The following SETD2 variants were observed in gnomAD, a reference collection of about 807,000 sequenced individuals.
SETD2 encodes histone-lysine N-methyltransferase SETD2.
Under a neutral mutation model 242.1 loss-of-function variants are expected in SETD2, and 31 were observed. That is an observed-to-expected ratio of 0.13 (90% CI 0.10 to 0.17). The LOEUF (loss-of-function observed/expected upper bound fraction) is 0.17, where lower values mean the gene tolerates loss of function less well. Ranked by LOEUF, SETD2 falls within the 10% of genes least tolerant of loss-of-function variation. The pLI is 1.00. For missense variants in SETD2, 2,481 were observed against 3,046.3 expected (o/e 0.81, Z 4.37); for synonymous variants, 1,006 against 1,066.5 (o/e 0.94, Z 1.11).
At chr3:47,157,452 C>G (rs999778067) in intron 1 of SETD2, 2 of 456,014 alleles carry the variant, frequency 4.4e-6, no homozygotes, top group Non-Finnish European at 8.8e-6. Context: ...CTTTGTATCT[C>G]ATTTGAACAT....
intron 1 of SETD2, among the ~76,000 whole-genome samples, chr3:47,162,292 TG>T (rs200476029): frequency 0.011 from 1,601 of 152,240 alleles, 37 homozygotes; most frequent in African/African-American, 0.036. Flanking sequence ...AAATTTTTTT[TG>T]AGGTTTTTCA....
chr3:47,024,698 G>A (rs2038394494), intron 18 of SETD2, among the ~76,000 whole-genome samples: 1 of 152,152 alleles, frequency 6.6e-6, no homozygotes, highest in Non-Finnish European at 1.5e-5. Context: ...CTCCCTCAAT[G>A]CAACAAATAC....
chr3:47,128,789 T>C (rs2043409584), intron 1 of SETD2, among the ~76,000 whole-genome samples: 1 of 152,216 alleles, frequency 6.6e-6, no homozygotes, highest in Non-Finnish European at 1.5e-5. Flanking sequence ...TGAAAATTTT[T>C]TTCACGTCTC....
intron 12 of SETD2, among the ~76,000 whole-genome samples, chr3:47,072,745 A>G (rs530870891): frequency 7.2e-5 from 11 of 151,834 alleles, no homozygotes; most frequent in South Asian, 2.1e-4. Flanking sequence ...GGAGATTCAG[A>G]CCATCCTGGC....
chr3:47,100,575 T>C (rs2042170749), intron 8 of SETD2, among the ~76,000 whole-genome samples: 1 of 152,100 alleles, frequency 6.6e-6, no homozygotes, highest in Non-Finnish European at 1.5e-5. Flanking sequence ...TTTTAAGTAG[T>C]CATTAGAACA....
intron 1 of SETD2, among the ~76,000 whole-genome samples, chr3:47,139,446 A>AGAGAC (rs2043672866): frequency 6.6e-6 from 1 of 152,154 alleles, no homozygotes; most frequent in Non-Finnish European, 1.5e-5. Flanking sequence ...GTCTCCCCAT[A>AGAGAC]TAGAGTTTAA....
Position 47,019,693 on chromosome 3 carries a change from G to A in SETD2, c.7431+67C>T, listed in dbSNP as rs2290547. The A allele has an allele frequency of 0.16, 213,048 of 1,330,376 alleles. 18,730 individuals are homozygous for A. The highest frequency in any genetic ancestry group is 0.22 in the East Asian group (9,570 of 43,356). 82.4% of individuals were successfully genotyped at this position (1,330,376 alleles called of 1,614,324 possible). ...GCAAAGGAGATATTCGACATACTTA[G>A]GACAAGAAATGAAAGGGTTCAGATT... On this transcript the variant is annotated intron_variant, in intron 19 of 20. Coordinates refer to ENST00000409792, the MANE Select transcript of SETD2 (RefSeq NM_014159.7).
At chr3:47,040,557 T>G (rs1352134539) in intron 17 of SETD2, among the ~76,000 whole-genome samples, 1 of 136,322 alleles carries the variant, frequency 7.3e-6, no homozygotes, top group Non-Finnish European at 1.5e-5. Flanking sequence ...ATAGATGACA[T>G]GAGGGAAAAG....
chr3:47,052,004 C>T (rs767154649), intron 15 of SETD2, among the ~76,000 whole-genome samples: 4 of 152,106 alleles, frequency 2.6e-5, no homozygotes, highest in Admixed American at 6.5e-5. Flanking sequence ...GCAGTATCTA[C>T]TTATGTTAAA....
At chr3:47,069,532 A>G (rs1423093080) in intron 12 of SETD2, among the ~76,000 whole-genome samples, 4 of 152,224 alleles carry the variant, frequency 2.6e-5, no homozygotes, top group East Asian at 1.9e-4. Context: ...TCTGATGCAC[A>G]GAGAAGGCTG....
At chr3:47,037,931 T>G (rs981874995) in intron 17 of SETD2, among the ~76,000 whole-genome samples, 154 bp from the exon 18 acceptor site, 4 of 152,216 alleles carry the variant, frequency 2.6e-5, no homozygotes, top group Non-Finnish European at 4.4e-5. Context: ...TCTATCTTCC[T>G]AACAGCAATG....
chr3:47,090,681 C>T (rs763243442), intron 9 of SETD2, among the ~76,000 whole-genome samples: 19 of 152,088 alleles, frequency 1.2e-4, no homozygotes, highest in East Asian at 1.9e-4. Context: ...TGAGCCACTG[C>T]GCCCAGCCCA....
intron 1 of SETD2, among the ~76,000 whole-genome samples, chr3:47,138,955 T>C (rs1433065424): frequency 2.6e-5 from 4 of 152,156 alleles, no homozygotes; most frequent in Non-Finnish European, 5.9e-5. Flanking sequence ...CGTCTTTCTT[T>C]CTTTTCTTTT....
intron 6 of SETD2, among the ~76,000 whole-genome samples, chr3:47,104,691 AT>A (rs2042341699): frequency 6.6e-6 from 1 of 152,242 alleles, no homozygotes; most frequent in Non-Finnish European, 1.5e-5. Context: ...AAGGAAACCA[AT>A]TTTACCATAG....
At chr3:47,117,274 A>AAAC (rs2042895065) in intron 3 of SETD2, among the ~76,000 whole-genome samples, 1 of 139,462 alleles carries the variant, frequency 7.2e-6, no homozygotes, top group African/African-American at 3.1e-5. Context: ...AAAAAAAAAA[A>AAAC]AAAAAACAAA....
At chr3:47,087,035 TAA>T (rs58714292) in intron 10 of SETD2, among the ~76,000 whole-genome samples, 70 of 139,882 alleles carry the variant, frequency 5.0e-4, no homozygotes, top group South Asian at 4.6e-4. Flanking sequence ...AGCAAGACCC[TAA>T]AAAAAAAAAA....
intron 1 of SETD2, among the ~76,000 whole-genome samples, chr3:47,159,998 C>T (rs1481768745): frequency 6.6e-6 from 1 of 151,846 alleles, no homozygotes; most frequent in African/African-American, 2.4e-5. Context: ...AGCTAAACCC[C>T]ATCTCACCCT....
chr3:47,075,570 A>C (rs1216776737), intron 12 of SETD2, among the ~76,000 whole-genome samples: 2 of 147,096 alleles, frequency 1.4e-5, no homozygotes, highest in Admixed American at 1.4e-4. Context: ...GTCTCAAAAA[A>C]AAAAAAAAAA....
At chr3:47,063,852 AGGTGCCTG>A in intron 13 of SETD2, among the ~76,000 whole-genome samples, 1 of 152,192 alleles carries the variant, frequency 6.6e-6, no homozygotes, top group East Asian at 1.9e-4. Context: ...GCACGGTGGC[AGGTGCCTG>A]TAATCCTAGC....
Sources: gnomAD v4.1 joint callset for allele counts (sites outside exome capture counted in the v4.1 genomes callset) on GRCh38, gnomAD v4.1.1 for gene constraint, MANE v1.5 for transcripts, NCBI Gene and HGNC (gene_info 2026-07-23, HGNC 2026-07-21) for gene names.